TTC39B: variants seen among roughly 807,000 people sequenced by gnomAD.
TTC39B encodes tetratricopeptide repeat protein 39B.
A neutral mutation model predicts 96.6 loss-of-function variants in TTC39B; 92 were observed. That is an observed-to-expected ratio of 0.95 (90% CI 0.80 to 1.13). The LOEUF (loss-of-function observed/expected upper bound fraction) is 1.13, where lower values mean the gene tolerates loss of function less well. Among genes scored for constraint, TTC39B ranks in the 50% most tolerant of loss-of-function variants. TTC39B has a pLI of 0.00. For synonymous variants in TTC39B, 367 were observed against 299.4 expected, an observed-to-expected ratio of 1.23 and a Z score of -2.33; for missense variants, 955 against 809.3, an observed-to-expected ratio of 1.18 and a Z score of -2.18.
intron 2 of TTC39B, among the ~76,000 whole-genome samples, chr9:15,256,586 G>T (rs1267244107): frequency 6.6e-6 from 1 of 152,174 alleles, no homozygotes; most frequent in Non-Finnish European, 1.5e-5. Context: ...ACAATTAACT[G>T]CAAAATGAGA....
intron 8 of TTC39B, among the ~76,000 whole-genome samples, chr9:15,194,627 T>C (rs613981): frequency 0.94 from 142,977 of 152,312 alleles, 67,243 homozygotes; most frequent in East Asian, 1. Context: ...AGTCTATCGA[T>C]GCCATTTTTC....
chr9:15,266,670 G>C (rs973694332), intron 2 of TTC39B, among the ~76,000 whole-genome samples: 1 of 152,134 alleles, frequency 6.6e-6, no homozygotes, highest in Non-Finnish European at 1.5e-5. Context: ...ACATGCACAT[G>C]TTCAAGCCCA....
chr9:15,169,445 GA>G (rs1004192449), exon 20 of TTC39B: 16 of 146,578 alleles, frequency 1.1e-4, no homozygotes, highest in African/African-American at 1.5e-4. Flanking sequence ...CTCCATTAAG[GA>G]AAAAAAAAAG....
intron 13 of TTC39B, 28 bp downstream of exon 13, chr9:15,189,546 C>A (rs781465120): frequency 1.9e-6 from 3 of 1,613,374 alleles, no homozygotes; most frequent in Non-Finnish European, 2.5e-6. Context: ...AGACAACTCC[C>A]CCAAATAATT....
At chr9:15,221,765 A>ATGTT (rs1431252145) in intron 3 of TTC39B, among the ~76,000 whole-genome samples, 4 of 152,240 alleles carry the variant, frequency 2.6e-5, no homozygotes, top group African/African-American at 9.6e-5. Context: ...CTTAGTCTAC[A>ATGTT]TAACCAAAAC....
intron 2 of TTC39B, chr9:15,250,234 G>A (rs1237882368): frequency 1.2e-5 from 13 of 1,088,244 alleles, no homozygotes; most frequent in South Asian, 7.6e-5. Flanking sequence ...AAGGGATGCC[G>A]GGAGATTTTT....
In TTC39B at chr9:15,257,405, T is replaced by C. The variant is rs79938415; in HGVS notation, c.275+10509A>G. Among the ~76,000 whole-genome samples the C allele has an allele frequency of 5.3e-3, 800 of 152,258 alleles. 5 individuals carry two copies. Among genetic ancestry groups the C allele is most frequent in the African/African-American group, 0.018 (742 of 41,554 alleles). The stretch of plus-strand genomic sequence containing the variant: ...TAAGTGATTAGTATATAAGGTTTGG[T>C]TTACTATCCTCTTTACTTTCTGTAG... On this transcript the variant is annotated intron_variant, in intron 2 of 19. Coordinates refer to ENST00000512701, the Ensembl canonical transcript of TTC39B.
intron 2 of TTC39B, among the ~76,000 whole-genome samples, chr9:15,242,916 G>C (rs1822108305): frequency 1.3e-5 from 2 of 152,326 alleles, no homozygotes; most frequent in South Asian, 4.1e-4. Flanking sequence ...AAAGGGCAGA[G>C]ACAGCGATTA....
rs1817537436 is a variant in TTC39B at position 15,167,011 on chromosome 9, TATATA to T, written c.*5003_*5007del. ...ATATATATATATATATATATATATA[TATATA>T]TATATATATATATTTTTTTTTTTTT... On this transcript the variant is annotated 3_prime_UTR_variant, in exon 20 of 20. Transcript: ENST00000512701. The T allele has an allele frequency of 6.5e-4, 6 of 9,278 alleles. 1 individual carries two copies. Among genetic ancestry groups the T allele is most frequent in the African/African-American group, 9.8e-4 (2 of 2,032 alleles). The allele number at this position is 9,278 out of a possible 1,614,324, so 0.6% of individuals were successfully genotyped here.
intron 2 of TTC39B, among the ~76,000 whole-genome samples, chr9:15,261,426 G>A (rs140727141): frequency 1.5e-4 from 23 of 152,162 alleles, no homozygotes; most frequent in African/African-American, 5.3e-4. Context: ...AGTGAGTTGA[G>A]AACGCGCCAC....
chr9:15,201,082 A>C (rs1356217675), intron 7 of TTC39B, among the ~76,000 whole-genome samples: 1 of 152,212 alleles, frequency 6.6e-6, no homozygotes, highest in Non-Finnish European at 1.5e-5. Context: ...TAGCAAAAGA[A>C]AAACTGAATT....
Position 15,281,468 on chromosome 9 carries a change from C to T in TTC39B, c.241-13520G>A, listed in dbSNP as rs146193830. Among the ~76,000 whole-genome samples the T allele has an allele frequency of 2.5e-3, 377 of 152,002 alleles. 2 individuals are homozygous for T. The highest frequency in any genetic ancestry group is 8.4e-3 in the African/African-American group (350 of 41,436). On this transcript the variant is annotated intron_variant, in intron 1 of 19. Coordinates refer to ENST00000512701, the Ensembl canonical transcript of TTC39B. ...TGCCCTCCCTCTCTTGGTATCTATCCTTATAGGTAATTTTGGTATTAGCAA... is the reference window on the plus strand; with the variant it reads ...TGCCCTCCCTCTCTTGGTATCTATCTTTATAGGTAATTTTGGTATTAGCAA...
At chr9:15,268,736 C>T (rs1823228368) in intron 1 of TTC39B, among the ~76,000 whole-genome samples, 1 of 152,202 alleles carries the variant, frequency 6.6e-6, no homozygotes, top group African/African-American at 2.4e-5. Flanking sequence ...ATAGCCCAAG[C>T]CACGAGACCT....
chr9:15,234,235 G>C (rs567009860), intron 2 of TTC39B, among the ~76,000 whole-genome samples: 2 of 151,664 alleles, frequency 1.3e-5, no homozygotes, highest in African/African-American at 2.4e-5. Flanking sequence ...GTCTCTGCCC[G>C]GCAGCCACCC....
intron 7 of TTC39B, 29 bp downstream of exon 7, chr9:15,203,794 A>G: frequency 6.3e-7 from 1 of 1,595,652 alleles, no homozygotes; most frequent in Non-Finnish European, 8.6e-7. Context: ...TTCCCAGCCA[A>G]TACGAATTCC....
chr9:15,292,483 G>A (rs1824223908), intron 1 of TTC39B, among the ~76,000 whole-genome samples: 1 of 152,174 alleles, frequency 6.6e-6, no homozygotes, highest in South Asian at 2.1e-4. Flanking sequence ...TTATTATACT[G>A]TACTATTAAT....
exon 15 of TTC39B, chr9:15,186,974 G>T (rs908463824): frequency 1.2e-6 from 2 of 1,613,538 alleles, no homozygotes; most frequent in Non-Finnish European, 1.7e-6. Flanking sequence ...CTCATTCGTT[G>T]CTACTACATC....
intron 1 of TTC39B, among the ~76,000 whole-genome samples, chr9:15,268,660 CG>C (rs1198556722): frequency 6.6e-6 from 1 of 152,078 alleles, no homozygotes; most frequent in African/African-American, 2.4e-5. Context: ...TCCAGGTATC[CG>C]GGGTCCACCA....
At chr9:15,257,648 A>G (rs1026334827) in intron 2 of TTC39B, among the ~76,000 whole-genome samples, 1 of 152,026 alleles carries the variant, frequency 6.6e-6, no homozygotes, top group Admixed American at 6.5e-5. Context: ...GGGTTTTGCC[A>G]TGTTGGTCAG....
Sources: allele counts gnomAD v4.1 joint callset (sites outside exome capture counted in the v4.1 genomes callset), GRCh38; gene constraint gnomAD v4.1.1; transcripts MANE v1.5; gene names NCBI Gene and HGNC (gene_info 2026-07-23, HGNC 2026-07-21).